Variants in GAS2 observed in about 807,000 individuals in gnomAD.
The protein encoded by GAS2 is growth arrest specific 2.
GAS2 carries 20 observed loss-of-function variants against 37.5 expected under a neutral mutation model. The ratio of observed to expected loss-of-function variants is 0.53; its 90% CI spans 0.37 to 0.77. The LOEUF is 0.77. GAS2 is among the 30% of genes least tolerant of loss of function. The pLI, the probability that GAS2 is intolerant of heterozygous loss-of-function variation, is 0.00. For missense variants in GAS2, 336 were observed against 373.4 expected (o/e 0.90, Z 0.82); for synonymous variants, 144 against 132.2 (o/e 1.09, Z -0.61).
chr11:22,663,720 A>G (rs1217020338), upstream of GAS2, among the ~76,000 whole-genome samples: 1 of 152,142 alleles, frequency 6.6e-6, no homozygotes, highest in African/African-American at 2.4e-5. Context: ...TTGTAGTTTT[A>G]TATATGAATG....
intron 1 of GAS2, among the ~76,000 whole-genome samples, chr11:22,629,201 T>A (rs780700349): frequency 6.6e-6 from 1 of 152,244 alleles, no homozygotes. Flanking sequence ...GTGGGATTGC[T>A]GGATCAAATG....
At chr11:22,716,909 A>G (rs1417053008) in intron 3 of GAS2, among the ~76,000 whole-genome samples, 2 of 152,168 alleles carry the variant, frequency 1.3e-5, no homozygotes, top group African/African-American at 4.8e-5. Context: ...GCTGCAAAAA[A>G]TAATAAAATA....
chr11:22,792,612 T>A (rs1159043189), intron 7 of GAS2, among the ~76,000 whole-genome samples: 1 of 152,120 alleles, frequency 6.6e-6, no homozygotes, highest in Non-Finnish European at 1.5e-5. Flanking sequence ...CAGCAGGCAG[T>A]TTGTAGTGAT....
intron 5 of GAS2, 84 bp downstream of exon 5, chr11:22,737,852 T>G: frequency 8.1e-7 from 1 of 1,230,852 alleles, no homozygotes; most frequent in East Asian, 2.3e-5. Flanking sequence ...TTTTCATTGC[T>G]AATGTTTAAC....
chr11:22,626,686 A>G (rs926233750), intron 1 of GAS2: 1 of 152,184 alleles, frequency 6.6e-6, no homozygotes, highest in Non-Finnish European at 1.5e-5. Context: ...AGTTCATAAT[A>G]TAGTAATTCA....
intron 7 of GAS2, among the ~76,000 whole-genome samples, chr11:22,806,231 C>T (rs1158589954): frequency 6.6e-6 from 1 of 152,122 alleles, no homozygotes; most frequent in Non-Finnish European, 1.5e-5. Context: ...CTTTCATGTA[C>T]CACAATGTCC....
intron 7 of GAS2, among the ~76,000 whole-genome samples, chr11:22,793,706 A>T (rs1216077914): frequency 6.6e-6 from 1 of 152,222 alleles, no homozygotes; most frequent in Non-Finnish European, 1.5e-5. Context: ...CAATATAAAT[A>T]GCAAAGCTTT....
intron 1 of GAS2, among the ~76,000 whole-genome samples, chr11:22,648,749 G>C (rs2133827708): frequency 6.6e-6 from 1 of 152,308 alleles, no homozygotes; most frequent in East Asian, 1.9e-4. Flanking sequence ...GTATAAGAAT[G>C]CTTGTGATTT....
Position 22,641,258 on chromosome 11 carries a change from T to TTA in GAS2, c.-21+15455_-21+15456dup, listed in dbSNP as rs1447680347. The stretch of plus-strand genomic sequence containing the variant: ...TATATATGTGTATATATATATATCT[T>TTA]TATATATATATCTTTATATATATCT... On this transcript the variant is annotated intron_variant, in intron 1 of 5. Transcript: ENST00000528582. Among the ~76,000 whole-genome samples, 673 of 143,974 alleles carry TTA rather than the reference T, an allele frequency of 4.7e-3. 11 individuals are homozygous for TTA. Among genetic ancestry groups the TTA allele is most frequent in the African/African-American group, 0.016 (614 of 39,354 alleles). 94.5% of individuals were successfully genotyped at this position (143,974 alleles called of 152,430 possible). A position where few individuals can be genotyped will look rare whatever the true frequency, so the allele number is the denominator to read the frequency against.
intron 1 of GAS2, among the ~76,000 whole-genome samples, chr11:22,671,593 C>G (rs918307070): frequency 7.6e-4 from 115 of 152,030 alleles, no homozygotes; most frequent in African/African-American, 2.7e-3. Flanking sequence ...AAAGTTACCC[C>G]TTGGCATCTC....
intron 7 of GAS2, 133 bp downstream of exon 7, chr11:22,756,086 A>G (rs902003446): frequency 2.0e-4 from 122 of 619,464 alleles, no homozygotes; most frequent in Middle Eastern, 1.4e-3. Context: ...GAATTTTTTT[A>G]AAGTAACATA....
chr11:22,791,852 C>A (rs1481009270), intron 7 of GAS2, among the ~76,000 whole-genome samples: 1 of 152,180 alleles, frequency 6.6e-6, no homozygotes, highest in Non-Finnish European at 1.5e-5. Flanking sequence ...ACAAGCACAT[C>A]ACTGGAGGCT....
At chr11:22,748,892 A>G (rs907082024) in intron 5 of GAS2, among the ~76,000 whole-genome samples, 3 of 152,034 alleles carry the variant, frequency 2.0e-5, no homozygotes, top group African/African-American at 7.2e-5. Flanking sequence ...TTAGTATACT[A>G]TGTGTGTCCA....
intron 1 of GAS2, among the ~76,000 whole-genome samples, chr11:22,673,910 A>G (rs1341367551): frequency 6.6e-6 from 1 of 152,238 alleles, no homozygotes; most frequent in Non-Finnish European, 1.5e-5. Context: ...CTTCTACTCT[A>G]AAGATACTTT....
In GAS2 at chr11:22,749,281, C is replaced by A. The variant is rs1045489732; in HGVS notation, c.615+20C>A. 6 of 1,605,812 alleles carry A rather than the reference C, an allele frequency of 3.7e-6. No homozygotes were observed. The Middle Eastern group carries it at 5.0e-4, about 133-fold the overall frequency. On this transcript the variant is annotated intron_variant, in intron 6 of 7. Coordinates refer to ENST00000454584, the MANE Select transcript of GAS2 (RefSeq NM_001143830.3). ...GATGCAGTAAGTAAAATCAGTCAGA[C>A]TTCTTACCAACGGTTAGTCTTTCTT...
At chr11:22,654,838 T>C (rs1848837592) in intron 1 of GAS2, among the ~76,000 whole-genome samples, 1 of 152,132 alleles carries the variant, frequency 6.6e-6, no homozygotes, top group Non-Finnish European at 1.5e-5. Context: ...AATTTTATTA[T>C]AAAACTAAAA....
intron 1 of GAS2, among the ~76,000 whole-genome samples, chr11:22,651,169 C>T (rs1848770622): frequency 6.6e-6 from 1 of 151,182 alleles, no homozygotes; most frequent in African/African-American, 2.4e-5. Context: ...ATTTCTCCTT[C>T]ACTTATGAAG....
intron 7 of GAS2, among the ~76,000 whole-genome samples, chr11:22,767,246 T>G (rs1419918310): frequency 6.6e-6 from 1 of 152,138 alleles, no homozygotes; most frequent in Non-Finnish European, 1.5e-5. Flanking sequence ...GTAATTTTCC[T>G]AAAGTAATCC....
At chr11:22,715,951 A>G (rs1449351099) in intron 3 of GAS2, among the ~76,000 whole-genome samples, 3 of 152,216 alleles carry the variant, frequency 2.0e-5, no homozygotes, top group Admixed American at 2.0e-4. Context: ...TCCTTAACAA[A>G]GTACTAGCTA....
Sources: gnomAD v4.1 joint callset for allele counts (sites outside exome capture counted in the v4.1 genomes callset) on GRCh38, gnomAD v4.1.1 for gene constraint, MANE v1.5 for transcripts, NCBI Gene and HGNC (gene_info 2026-07-23, HGNC 2026-07-21) for gene names.